The following B4GALT5 variants were observed in gnomAD, a reference collection of about 807,000 sequenced individuals.
B4GALT5 encodes UDP-Gal:beta-GlcNAc beta-1,4-galactosyltransferase 5.
A neutral mutation model predicts 45.0 loss-of-function variants in B4GALT5; 11 were observed. That is an observed-to-expected ratio of 0.24 (90% CI 0.15 to 0.40). The LOEUF (loss-of-function observed/expected upper bound fraction) is 0.40, where lower values mean the gene tolerates loss of function less well. Among genes scored for constraint, B4GALT5 ranks in the 10% least tolerant of loss-of-function variants. B4GALT5 has a pLI of 1.00. For synonymous variants in B4GALT5, 185 were observed against 182.9 expected (o/e 1.01, Z -0.09); for missense variants, 337 against 500.2 (o/e 0.67, Z 3.11).
intron 2 of B4GALT5, among the ~76,000 whole-genome samples, chr20:49,653,780 C>T (rs931779809): frequency 6.6e-6 from 1 of 152,186 alleles, no homozygotes; most frequent in African/African-American, 2.4e-5. Context: ...ATAGATTGTT[C>T]TAACCAGAGA....
At chr20:49,670,506 G>A (rs1215998443) in intron 1 of B4GALT5, among the ~76,000 whole-genome samples, 1 of 152,140 alleles carries the variant, frequency 6.6e-6, no homozygotes, top group Non-Finnish European at 1.5e-5. Flanking sequence ...AGATCTTCAT[G>A]CCTTAGCTCC....
chr20:49,637,700 G>A (rs559576815), intron 7 of B4GALT5, among the ~76,000 whole-genome samples: 3 of 152,016 alleles, frequency 2.0e-5, no homozygotes, highest in Admixed American at 6.5e-5. Flanking sequence ...TTGGGAGGCC[G>A]AGGTGGGCAG....
At chr20:49,691,181 G>A (rs763826046) in intron 1 of B4GALT5, among the ~76,000 whole-genome samples, 22 of 152,216 alleles carry the variant, frequency 1.4e-4, no homozygotes, top group Non-Finnish European at 2.6e-4. Context: ...TTAAAATGAC[G>A]GTGCGGGGCA....
intron 1 of B4GALT5, among the ~76,000 whole-genome samples, chr20:49,680,211 T>G (rs1403438135): frequency 6.6e-6 from 1 of 152,346 alleles, no homozygotes; most frequent in Non-Finnish European, 1.5e-5. Context: ...GAGGGCTGCA[T>G]GGGCTGAAGA....
In B4GALT5 at chr20:49,684,544, T is replaced by C. The variant is rs1202241140; in HGVS notation, c.116-27842A>G. 1.9e-5 allele frequency: 10 copies of C among 515,284 alleles called. No homozygotes were observed. The East Asian group carries it at 2.2e-4, about 11-fold the overall frequency. 31.9% of individuals were successfully genotyped at this position (515,284 alleles called of 1,614,324 possible). On this transcript the variant is annotated intron_variant, in intron 1 of 8. Coordinates refer to ENST00000371711, the MANE Select transcript of B4GALT5 (RefSeq NM_004776.4). ...CGCCACTGCACTCCAGCCTGGGCGA[T>C]AGAGCAAGACTCCTCAAGAAGAAAA...
intron 1 of B4GALT5, among the ~76,000 whole-genome samples, chr20:49,710,615 T>TTG (rs2085904903): frequency 6.6e-6 from 1 of 152,034 alleles, no homozygotes; most frequent in South Asian, 2.1e-4. Context: ...TGACAGGGTT[T>TTG]CACCATCTTG....
At chr20:49,695,841 G>C (rs2146357094) in intron 1 of B4GALT5, among the ~76,000 whole-genome samples, 1 of 151,982 alleles carries the variant, frequency 6.6e-6, no homozygotes, top group African/African-American at 2.4e-5. Flanking sequence ...AAGGGTGGGG[G>C]TGGGAAAAGA....
At chr20:49,712,501 G>A (rs1461539488) in intron 1 of B4GALT5, among the ~76,000 whole-genome samples, 1 of 152,020 alleles carries the variant, frequency 6.6e-6, no homozygotes, top group Non-Finnish European at 1.5e-5. Context: ...TCCAGAGACC[G>A]CCTTTCCTTT....
intron 2 of B4GALT5, among the ~76,000 whole-genome samples, chr20:49,650,556 G>C (rs2085618029): frequency 6.6e-6 from 1 of 151,672 alleles, no homozygotes; most frequent in Non-Finnish European, 1.5e-5. Context: ...AGAATCGCTT[G>C]AACCCAGGAG....
chr20:49,636,354 A>T lies in B4GALT5; in HGVS notation c.1125T>A (p.Thr375=). ...ITYDALYKNI[T]VNLTPELAQV... is the part of the protein sequence containing the mutation. ...GAGCCAGCTCGGGTGTCAGGTTGAC[A>T]GTTATGTTTTTATACAAGGCGTCGT... The change falls in exon 9 of 9, where the codon ACT becomes ACA. Residue 375 remains threonine, a synonymous_variant. Coordinates refer to ENST00000371711, the MANE Select transcript of B4GALT5 (RefSeq NM_004776.4). The T allele has an allele frequency of 6.2e-7, 1 of 1,614,106 alleles. No homozygotes were observed. The highest frequency in any genetic ancestry group is 1.7e-5 in the Admixed American group (1 of 60,016).
intron 1 of B4GALT5, among the ~76,000 whole-genome samples, chr20:49,711,192 C>T (rs568445409): frequency 1.3e-5 from 2 of 152,104 alleles, no homozygotes; most frequent in Non-Finnish European, 2.9e-5. Context: ...AGTAGAATTC[C>T]CCTTCAGAAG....
chr20:49,645,003 G>A (rs2085593246), intron 3 of B4GALT5, among the ~76,000 whole-genome samples: 1 of 152,096 alleles, frequency 6.6e-6, no homozygotes, highest in African/African-American at 2.4e-5. Flanking sequence ...AGAGTTTACT[G>A]TCCTTGTTTT....
chr20:49,690,160 C>T (rs887296707), intron 1 of B4GALT5, among the ~76,000 whole-genome samples: 2 of 152,124 alleles, frequency 1.3e-5, no homozygotes, highest in African/African-American at 2.4e-5. Context: ...CACACCACTA[C>T]ACCTGGCTAC....
At chr20:49,681,620 A>G (rs1054949701) in intron 1 of B4GALT5, among the ~76,000 whole-genome samples, 1 of 152,106 alleles carries the variant, frequency 6.6e-6, no homozygotes, top group African/African-American at 2.4e-5. Context: ...AGTTACCTCA[A>G]ATTTGTCCAA....
At chr20:49,711,486 C>G (rs1438174188) in intron 1 of B4GALT5, among the ~76,000 whole-genome samples, 1 of 152,162 alleles carries the variant, frequency 6.6e-6, no homozygotes, top group African/African-American at 2.4e-5. Context: ...ACCAGAAGTA[C>G]CTGTCACTTT....
Position 49,633,242 on chromosome 20 carries a change from G to C in B4GALT5, c.*3070C>G, listed in dbSNP as rs1259004523. On this transcript the variant is annotated 3_prime_UTR_variant, in exon 9 of 9. Transcript: ENST00000371711. The stretch of plus-strand genomic sequence containing the variant: ...TGCTCAGCTATTAATGTCTGTGGTA[G>C]AGGATCTCTGACAAGAGGACCTATT... 2 of 152,708 alleles carry C rather than the reference G, an allele frequency of 1.3e-5. No homozygotes were observed. The highest frequency in any genetic ancestry group is 2.1e-4 in the South Asian group (1 of 4,830). The allele number at this position is 152,708 out of a possible 1,614,324, so 9.5% of individuals were successfully genotyped here.
chr20:49,650,047 A>C (rs1046661684), intron 2 of B4GALT5, among the ~76,000 whole-genome samples: 34 of 152,176 alleles, frequency 2.2e-4, no homozygotes, highest in African/African-American at 7.7e-4. Flanking sequence ...AGAATTTAAA[A>C]AACATGAGGC....
intron 1 of B4GALT5, among the ~76,000 whole-genome samples, chr20:49,712,507 C>T (rs2085917993): frequency 6.6e-6 from 1 of 152,100 alleles, no homozygotes; most frequent in South Asian, 2.1e-4. Context: ...GACCGCCTTT[C>T]CTTTAAAGGA....
intron 1 of B4GALT5, among the ~76,000 whole-genome samples, chr20:49,658,798 C>T (rs758047154): frequency 5.3e-5 from 8 of 152,108 alleles, no homozygotes; most frequent in Non-Finnish European, 7.4e-5. Context: ...GTAACAAGCT[C>T]GCAGGTGATA....
Sources: allele counts gnomAD v4.1 joint callset (sites outside exome capture counted in the v4.1 genomes callset), GRCh38; gene constraint gnomAD v4.1.1; transcripts MANE v1.5; gene names NCBI Gene and HGNC (gene_info 2026-07-23, HGNC 2026-07-21).